ARHGEF28: variants seen among roughly 807,000 people sequenced by gnomAD.
The protein encoded by ARHGEF28 is 190 kDa guanine nucleotide exchange factor.
ARHGEF28 carries 152 observed loss-of-function variants against 206.6 expected under a neutral mutation model. The ratio of observed to expected loss-of-function variants is 0.74; its 90% CI spans 0.64 to 0.84. The LOEUF (loss-of-function observed/expected upper bound fraction) is 0.84. ARHGEF28 is among the 40% of genes least tolerant of loss of function. The pLI, the probability that ARHGEF28 is intolerant of heterozygous loss-of-function variation, is 0.00. For missense variants in ARHGEF28, 2,028 were observed against 2,073.2 expected (o/e 0.98, Z 0.42); for synonymous variants, 763 against 776.4 (o/e 0.98, Z 0.29).
rs114426723 is a variant in ARHGEF28 at position 73,800,406 on chromosome 5, A to G, written c.1024+5015A>G. Among the ~76,000 whole-genome samples the G allele has an allele frequency of 6.4e-3, 969 of 152,294 alleles. 12 individuals are homozygous for G. The highest frequency in any genetic ancestry group is 0.021 in the African/African-American group (876 of 41,550). Reference sequence around the variant, plus strand: ...ATTTCCCTCCAAACCCCCTTTTTATAATATGTATTGTTGATTTTATAGAGT... The same window carrying G: ...ATTTCCCTCCAAACCCCCTTTTTATGATATGTATTGTTGATTTTATAGAGT... On this transcript the variant is annotated intron_variant, in intron 9 of 35. Coordinates refer to ENST00000513042, the MANE Select transcript of ARHGEF28 (RefSeq NM_001177693.2).
chr5:73,859,042 C>T (rs1389663753), intron 16 of ARHGEF28, among the ~76,000 whole-genome samples: 1 of 152,186 alleles, frequency 6.6e-6, no homozygotes, highest in Non-Finnish European at 1.5e-5. Flanking sequence ...ATCACTCAGA[C>T]AACAGCTTCT....
At chr5:73,877,890 T>A (rs1415901206) in intron 22 of ARHGEF28, among the ~76,000 whole-genome samples, 1 of 152,050 alleles carries the variant, frequency 6.6e-6, no homozygotes, top group East Asian at 1.9e-4. Context: ...CTGAAAAAAA[T>A]ATATATTCTG....
rs558126023 is a variant in ARHGEF28 at position 73,763,828 on chromosome 5, A to G, written c.476-10027A>G. Reference sequence around the variant, plus strand: ...CACCTAATGACCGCCTGCTGCCCAAAGCATGGGATTACAGCACATTTGTCT... The same window carrying G: ...CACCTAATGACCGCCTGCTGCCCAAGGCATGGGATTACAGCACATTTGTCT... On this transcript the variant is annotated intron_variant, in intron 4 of 35. Transcript: ENST00000513042. Among the ~76,000 whole-genome samples, 3 of 152,338 alleles carry G rather than the reference A, an allele frequency of 2.0e-5. No homozygotes were observed. The East Asian group carries it at 5.8e-4, about 29-fold the overall frequency.
At chr5:73,772,482 G>A (rs1424801783) in intron 4 of ARHGEF28, among the ~76,000 whole-genome samples, 2 of 152,176 alleles carry the variant, frequency 1.3e-5, no homozygotes, top group African/African-American at 4.8e-5. Context: ...GGGCTCAAGC[G>A]ATCCTCCCAC....
chr5:73,804,691 G>GT (rs1755338357), intron 9 of ARHGEF28, among the ~76,000 whole-genome samples: 2 of 150,342 alleles, frequency 1.3e-5, no homozygotes, highest in African/African-American at 5.0e-5. Flanking sequence ...CCCTTAATTG[G>GT]GTTTTTTCTG....
intron 16 of ARHGEF28, among the ~76,000 whole-genome samples, chr5:73,862,059 T>C (rs1759436039): frequency 6.6e-6 from 1 of 152,180 alleles, no homozygotes; most frequent in Non-Finnish European, 1.5e-5. Flanking sequence ...CACATAGTAT[T>C]GTGTAAGTAT....
chr5:73,630,504 CAG>C (rs754525255), intron 1 of ARHGEF28, among the ~76,000 whole-genome samples: 1 of 152,294 alleles, frequency 6.6e-6, no homozygotes, highest in South Asian at 2.1e-4. Flanking sequence ...TAGTGCCTGA[CAG>C]AGAGTAAGTT....
chr5:73,869,088 G>A (rs1265377298), intron 20 of ARHGEF28, among the ~76,000 whole-genome samples: 2 of 152,092 alleles, frequency 1.3e-5, no homozygotes, highest in Non-Finnish European at 2.9e-5. Context: ...TCTGCCCCAG[G>A]AACCTGTTTT....
intron 9 of ARHGEF28, among the ~76,000 whole-genome samples, chr5:73,824,790 G>A (rs1326868190): frequency 6.6e-6 from 1 of 151,920 alleles, no homozygotes; most frequent in Non-Finnish European, 1.5e-5. Context: ...TTTAAGAGTC[G>A]CTGATAGAGG....
At chr5:73,738,081 G>C (rs1751120780) in intron 2 of ARHGEF28, among the ~76,000 whole-genome samples, 1 of 152,218 alleles carries the variant, frequency 6.6e-6, no homozygotes, top group South Asian at 2.1e-4. Flanking sequence ...GATGCTGTCG[G>C]GGTGGGTGCT....
rs535571757 is a variant in ARHGEF28 at position 73,716,870 on chromosome 5, T to C, written c.33+31986T>C. 4.6e-5 allele frequency among the ~76,000 whole-genome samples: 7 copies of C among 152,244 alleles called. No individual in the cohort carries two copies. The South Asian group carries it at 8.3e-4, about 18-fold the overall frequency. On this transcript the variant is annotated intron_variant, in intron 2 of 35. Transcript: ENST00000513042. ...TCTGGATTCTAAGGATTTGTGACTATTATAAAGTTCATGTTTAGCATGTAA... is the reference window on the plus strand; with the variant it reads ...TCTGGATTCTAAGGATTTGTGACTACTATAAAGTTCATGTTTAGCATGTAA...
intron 1 of ARHGEF28, among the ~76,000 whole-genome samples, chr5:73,666,214 G>A (rs529202635): frequency 9.8e-5 from 15 of 152,352 alleles, no homozygotes; most frequent in Non-Finnish European, 1.9e-4. Flanking sequence ...TAAAGCCAGA[G>A]GATAATCTCC....
At chr5:73,876,330 TG>T (rs1265632490) in intron 22 of ARHGEF28, among the ~76,000 whole-genome samples, 1 of 89,618 alleles carries the variant, frequency 1.1e-5, no homozygotes, top group Non-Finnish European at 2.2e-5. Context: ...GCTGAGACAA[TG>T]GGGTTTTCTA....
At chr5:73,748,597 T>C (rs1238455142) in intron 2 of ARHGEF28, among the ~76,000 whole-genome samples, 4 of 152,234 alleles carry the variant, frequency 2.6e-5, no homozygotes, top group African/African-American at 9.6e-5. Context: ...AAGGAGTCTG[T>C]GTAGGCTTTT....
chr5:73,844,591 A>G (rs930723074), intron 11 of ARHGEF28, among the ~76,000 whole-genome samples: 1 of 151,226 alleles, frequency 6.6e-6, no homozygotes. Flanking sequence ...GGTTAATTCA[A>G]AGTTTCATTT....
intron 2 of ARHGEF28, among the ~76,000 whole-genome samples, chr5:73,705,834 C>G (rs777554852): frequency 6.6e-5 from 10 of 152,142 alleles, no homozygotes; most frequent in Non-Finnish European, 1.5e-4. Context: ...ATGTTGACCC[C>G]CAATGATAGA....
intron 2 of ARHGEF28, among the ~76,000 whole-genome samples, chr5:73,705,382 C>CT (rs1178968948): frequency 6.6e-6 from 1 of 152,240 alleles, no homozygotes; most frequent in Non-Finnish European, 1.5e-5. Context: ...CTCACCTTCT[C>CT]TGTTGATGCC....
chr5:73,907,187 C>G (rs1762600947), intron 33 of ARHGEF28, among the ~76,000 whole-genome samples: 1 of 152,150 alleles, frequency 6.6e-6, no homozygotes, highest in South Asian at 2.1e-4. Context: ...TTTTAAATGT[C>G]AGCTGGGAAG....
intron 1 of ARHGEF28, among the ~76,000 whole-genome samples, chr5:73,639,776 G>T (rs1743952552): frequency 6.6e-6 from 1 of 152,134 alleles, no homozygotes. Flanking sequence ...TAGATTTGAA[G>T]AAGACGTGTT....
Sources: allele counts gnomAD v4.1 joint callset (sites outside exome capture counted in the v4.1 genomes callset), GRCh38; gene constraint gnomAD v4.1.1; transcripts MANE v1.5; gene names NCBI Gene and HGNC (gene_info 2026-07-23, HGNC 2026-07-21).